The following MLLT3 variants were observed in gnomAD, a reference collection of about 807,000 sequenced individuals.
The protein encoded by MLLT3 is MLLT3 super elongation complex subunit.
In MLLT3, 4 loss-of-function variants were observed where a neutral mutation model predicts 53.2. That is an observed-to-expected ratio of 0.08 (90% CI 0.04 to 0.17). The LOEUF is 0.17. Among genes scored for constraint, MLLT3 ranks in the 10% least tolerant of loss-of-function variants. MLLT3 has a pLI of 1.00. For synonymous variants in MLLT3, 283 were observed against 230.6 expected, an observed-to-expected ratio of 1.23 and a Z score of -2.06; for missense variants, 569 against 684.0, an observed-to-expected ratio of 0.83 and a Z score of 1.87.
At chr9:20,360,945 G>T in intron 7 of MLLT3, 104 bp from the exon 8 acceptor site, 1 of 970,894 alleles carries the variant, frequency 1.0e-6, no homozygotes, top group South Asian at 1.4e-5. Flanking sequence ...ACTAACCCTT[G>T]ACAAGTTCAT....
chr9:20,410,179 A>G (rs1430105366), intron 5 of MLLT3, among the ~76,000 whole-genome samples: 1 of 152,208 alleles, frequency 6.6e-6, no homozygotes, highest in Non-Finnish European at 1.5e-5. Flanking sequence ...AGTGGCTTAG[A>G]GTACCAAATA....
Position 20,621,010 on chromosome 9 carries a change from T to A in MLLT3, c.13-176A>T. ...CGCGCACACTCCACACCCCCAAATA[T>A]ACCCGCCCGCCCGGCCCGGCTTGGC... On this transcript the variant is annotated intron_variant, in intron 1 of 10. Coordinates refer to ENST00000380338, the MANE Select transcript of MLLT3 (RefSeq NM_004529.4). This position sits in a 1 kb window ranked among gnomAD's most constrained non-coding sequence, Gnocchi z 7.0. 1 of 764,568 alleles carries A rather than the reference T, an allele frequency of 1.3e-6. No individual in the cohort carries two copies. 47.4% of individuals were successfully genotyped at this position (764,568 alleles called of 1,614,324 possible).
At chr9:20,590,131 C>T (rs1260812396) in intron 2 of MLLT3, among the ~76,000 whole-genome samples, 2 of 152,134 alleles carry the variant, frequency 1.3e-5, no homozygotes, top group Non-Finnish European at 2.9e-5. Flanking sequence ...TCTACCTTTC[C>T]TTTCACCAAC....
Position 20,475,582 on chromosome 9 carries a change from A to G in MLLT3, c.194-18796T>C, listed in dbSNP as rs188768505. ...ATATGAAGGACAATTCAACAGGATC[A>G]GAAATATATTATTTATAGCTGATTA... On this transcript the variant is annotated intron_variant, in intron 2 of 10. Coordinates refer to ENST00000380338, the MANE Select transcript of MLLT3 (RefSeq NM_004529.4). 4.7e-3 allele frequency among the ~76,000 whole-genome samples: 709 copies of G among 152,280 alleles called. 7 individuals carry two copies. Among genetic ancestry groups the G allele is most frequent in the Non-Finnish European group, 6.6e-3 (447 of 68,008 alleles).
At chr9:20,354,725 C>T in intron 9 of MLLT3, 83 bp downstream of exon 9, 1 of 902,786 alleles carries the variant, frequency 1.1e-6, no homozygotes. Flanking sequence ...AAAGGAGAAC[C>T]AGCAAGGATG....
intron 4 of MLLT3, among the ~76,000 whole-genome samples, chr9:20,439,580 G>A (rs1352502424): frequency 6.6e-6 from 1 of 152,048 alleles, no homozygotes; most frequent in Non-Finnish European, 1.5e-5. Context: ...TTGAGAAGCA[G>A]AGCACCAGGA....
intron 5 of MLLT3, among the ~76,000 whole-genome samples, chr9:20,405,815 T>C (rs375017004): frequency 3.3e-5 from 5 of 152,110 alleles, no homozygotes; most frequent in Non-Finnish European, 2.9e-5. Flanking sequence ...TTTCCTCTTA[T>C]CAAGAATGCC....
intron 7 of MLLT3, among the ~76,000 whole-genome samples, chr9:20,362,016 T>C (rs538704323): frequency 3.3e-5 from 5 of 152,352 alleles, no homozygotes; most frequent in African/African-American, 1.2e-4. Context: ...ATTACATTAA[T>C]GAAGTGTTCA....
At position 20,545,181 on chromosome 9, in the gene MLLT3, T is replaced by C. The variant is rs140823304; in HGVS notation, c.193+75473A>G. Among the ~76,000 whole-genome samples the C allele has an allele frequency of 4.1e-4, 62 of 150,494 alleles. 1 individual carries two copies. Among genetic ancestry groups the C allele is most frequent in the East Asian group, 3.9e-3 (20 of 5,108 alleles). On this transcript the variant is annotated intron_variant, in intron 2 of 10. Coordinates refer to ENST00000380338, the MANE Select transcript of MLLT3 (RefSeq NM_004529.4). ...GTAGGAGGAGCAACCTAAAAGTTCA[T>C]TGAAAGATAAATAAACAAAATGTGT...
At chr9:20,373,174 A>G (rs2118674707) in intron 5 of MLLT3, among the ~76,000 whole-genome samples, 1 of 152,212 alleles carries the variant, frequency 6.6e-6, no homozygotes, top group Middle Eastern at 3.4e-3. Context: ...TAAAGTAAAA[A>G]CACCTAGCAC....
At chr9:20,421,883 G>A (rs1312190211) in intron 4 of MLLT3, among the ~76,000 whole-genome samples, 2 of 151,498 alleles carry the variant, frequency 1.3e-5, no homozygotes, top group African/African-American at 4.8e-5. Flanking sequence ...GAAGCAAAAT[G>A]GACTGCTGAT....
At chr9:20,582,875 G>C (rs1587096468) in intron 2 of MLLT3, among the ~76,000 whole-genome samples, 1 of 152,026 alleles carries the variant, frequency 6.6e-6, no homozygotes. Flanking sequence ...ATTTGGGTGG[G>C]GGCACAGTCA....
chr9:20,396,883 A>G (rs189992209), intron 5 of MLLT3, among the ~76,000 whole-genome samples: 2 of 152,304 alleles, frequency 1.3e-5, no homozygotes, highest in Admixed American at 1.3e-4. Context: ...ATCCAAGGTG[A>G]GGCACAATCA....
intron 2 of MLLT3, among the ~76,000 whole-genome samples, chr9:20,597,923 C>T (rs988623115): frequency 2.0e-5 from 3 of 152,148 alleles, no homozygotes; most frequent in African/African-American, 7.2e-5. Context: ...TGTTCCAAAG[C>T]ACCATTTAAA....
At chr9:20,360,479 T>C (rs1198562381) in intron 8 of MLLT3, among the ~76,000 whole-genome samples, 1 of 152,212 alleles carries the variant, frequency 6.6e-6, no homozygotes, top group African/African-American at 2.4e-5. Flanking sequence ...GAGTAAATGG[T>C]AAATGGGCAA....
chr9:20,427,979 C>T (rs7038597), intron 4 of MLLT3, among the ~76,000 whole-genome samples: 35,507 of 151,930 alleles, frequency 0.23, 7,766 homozygotes, highest in East Asian at 0.68. Context: ...CTCTCTGTTG[C>T]ATAGGATGGC....
intron 6 of MLLT3, among the ~76,000 whole-genome samples, chr9:20,364,026 T>C (rs1821389274): frequency 6.6e-6 from 1 of 152,214 alleles, no homozygotes; most frequent in South Asian, 2.1e-4. Context: ...TTTTGATCCA[T>C]TAAGGTTTAG....
intron 5 of MLLT3, among the ~76,000 whole-genome samples, chr9:20,367,798 A>G (rs1821497091): frequency 6.6e-6 from 1 of 152,206 alleles, no homozygotes; most frequent in South Asian, 2.1e-4. Flanking sequence ...ACAACCAGAA[A>G]TCACTAAATG....
At chr9:20,433,900 G>A (rs1823338292) in intron 4 of MLLT3, among the ~76,000 whole-genome samples, 1 of 151,480 alleles carries the variant, frequency 6.6e-6, no homozygotes, top group Non-Finnish European at 1.5e-5. Flanking sequence ...AGATCATGAG[G>A]TCAAGAGATC....
Sources: gnomAD v4.1 joint callset for allele counts (sites outside exome capture counted in the v4.1 genomes callset) on GRCh38, gnomAD v4.1.1 for gene constraint, Gnocchi (gnomAD v3.1) non-coding constraint, MANE v1.5 for transcripts, NCBI Gene and HGNC (gene_info 2026-07-23, HGNC 2026-07-21) for gene names.